The following PRKG1 variants were observed in gnomAD, a reference collection of about 807,000 sequenced individuals.
PRKG1 encodes cGMP-dependent protein kinase 1.
A neutral mutation model predicts 88.1 loss-of-function variants in PRKG1; 35 were observed. The ratio of observed to expected loss-of-function variants is 0.40; its 90% CI spans 0.30 to 0.53. The LOEUF (loss-of-function observed/expected upper bound fraction) is 0.53, where lower values mean the gene tolerates loss of function less well. Ranked by LOEUF, PRKG1 falls within the 20% of genes least tolerant of loss-of-function variation. PRKG1 has a pLI of 0.59. For synonymous variants in PRKG1, 303 were observed against 292.5 expected (o/e 1.04, Z -0.37); for missense variants, 540 against 839.8 (o/e 0.64, Z 4.41).
chr10:50,997,683 A>C (rs1272494480), intron 1 of PRKG1, among the ~76,000 whole-genome samples: 2 of 152,136 alleles, frequency 1.3e-5, no homozygotes, highest in Admixed American at 1.3e-4. Flanking sequence ...AGTTACTGTG[A>C]GCTCTGAGAT....
chr10:51,553,848 GATAC>G (rs1339840865), intron 3 of PRKG1, among the ~76,000 whole-genome samples: 12 of 99,682 alleles, frequency 1.2e-4, no homozygotes, highest in African/African-American at 4.1e-4. Context: ...GTATGTATTA[GATAC>G]GTGTATATAA....
At position 51,692,540 on chromosome 10, in the gene PRKG1, G is replaced by A. The variant is rs182286349; in HGVS notation, c.593-112045G>A. Among the ~76,000 whole-genome samples, 51 of 152,186 alleles carry A rather than the reference G, an allele frequency of 3.4e-4. No individual in the cohort carries two copies. The East Asian group carries it at 6.2e-3, about 18-fold the overall frequency. ...TTACAGGCATGAGCCACCACGCCCC[G>A]CCCAACTATACCATTTTCCAATGTT... On this transcript the variant is annotated intron_variant, in intron 3 of 17. Transcript: ENST00000373980.
In PRKG1 at chr10:51,348,777, A is replaced by T. The variant is rs1195913969; in HGVS notation, c.479-118946A>T. Among the ~76,000 whole-genome samples, 5 of 152,184 alleles carry T rather than the reference A, an allele frequency of 3.3e-5. No individual in the cohort carries two copies. In the South Asian group the frequency reaches 8.3e-4, roughly 25 times the overall value. On this transcript the variant is annotated intron_variant, in intron 2 of 17. Coordinates refer to ENST00000373980, the MANE Select transcript of PRKG1 (RefSeq NM_006258.4). ...TTATTCTGACATATCCCATCAATAT[A>T]AAAAAACTGAGTGAAGTGTACTGCA...
chr10:51,619,224 GAAGGTTTCAAGGAA>G (rs1839145242), intron 3 of PRKG1, among the ~76,000 whole-genome samples: 2 of 152,168 alleles, frequency 1.3e-5, no homozygotes, highest in African/African-American at 4.8e-5. Context: ...TTGGGTAATT[GAAGGTTTCAAGGAA>G]AAGGGGTAGC....
At chr10:51,447,900 T>C (rs578019879) in intron 2 of PRKG1, among the ~76,000 whole-genome samples, 1 of 152,178 alleles carries the variant, frequency 6.6e-6, no homozygotes, top group East Asian at 1.9e-4. Context: ...ACCATAAAAC[T>C]CAAAATTACA....
rs748296326 is a variant in PRKG1, at chr10:51,074,944, A to T, written c.311+43A>T. ...GCCGGGTCCATGTGGCGCCCTGGCG[A>T]TGGGGAGCTGCGGGTCTCTGTATTG... On this transcript the variant is annotated intron_variant, in intron 1 of 17. Coordinates refer to ENST00000373980, the MANE Select transcript of PRKG1 (RefSeq NM_006258.4). 2.6e-6 allele frequency: 4 copies of T among 1,533,712 alleles called. No homozygotes were observed. In the Admixed American group the frequency reaches 5.8e-5, roughly 22 times the overall value.
chr10:51,114,141 G>A (rs1429836939), intron 1 of PRKG1, among the ~76,000 whole-genome samples: 1 of 152,080 alleles, frequency 6.6e-6, no homozygotes, highest in Admixed American at 6.6e-5. Flanking sequence ...CTTTCAACGT[G>A]AAGATTATAC....
intron 2 of PRKG1, among the ~76,000 whole-genome samples, chr10:51,287,517 C>G (rs371213818): frequency 1.3e-5 from 2 of 151,856 alleles, no homozygotes; most frequent in Admixed American, 6.6e-5. Flanking sequence ...TCACATGGAG[C>G]GTAAATTCTA....
intron 5 of PRKG1, among the ~76,000 whole-genome samples, chr10:51,926,777 C>T (rs1382738453): frequency 1.4e-5 from 2 of 141,318 alleles, no homozygotes; most frequent in African/African-American, 5.4e-5. Flanking sequence ...AACTGAATAA[C>T]ATCTCCTGAG....
intron 2 of PRKG1, among the ~76,000 whole-genome samples, chr10:51,337,384 T>C (rs994918920): frequency 1.3e-5 from 2 of 151,996 alleles, no homozygotes; most frequent in African/African-American, 4.8e-5. Context: ...CCAAAAGCAA[T>C]TGCAAAAAAA....
intron 7 of PRKG1, among the ~76,000 whole-genome samples, chr10:52,065,061 G>T (rs1450151957): frequency 6.6e-6 from 1 of 152,128 alleles, no homozygotes; most frequent in African/African-American, 2.4e-5. Context: ...TTTAAACTAA[G>T]ACATCAAGAA....
At chr10:51,933,192 T>C (rs1170868860) in intron 5 of PRKG1, among the ~76,000 whole-genome samples, 2 of 152,144 alleles carry the variant, frequency 1.3e-5, no homozygotes, top group Non-Finnish European at 2.9e-5. Flanking sequence ...TAAAGGGGCC[T>C]CCTGTATTCT....
At chr10:51,407,495 C>T (rs903924300) in intron 2 of PRKG1, among the ~76,000 whole-genome samples, 1 of 151,958 alleles carries the variant, frequency 6.6e-6, no homozygotes, top group South Asian at 2.1e-4. Context: ...ATACATGCAC[C>T]GACATGTTTT....
chr10:51,915,159 C>T (rs1419381040), intron 5 of PRKG1, among the ~76,000 whole-genome samples: 1 of 152,180 alleles, frequency 6.6e-6, no homozygotes, highest in Non-Finnish European at 1.5e-5. Flanking sequence ...CCTTTGCATT[C>T]TCTCCAACTG....
Position 51,856,060 on chromosome 10 carries a change from T to A in PRKG1, c.698+51370T>A, listed in dbSNP as rs1331940477. ...CAGCATCCCTTAGCTTCTGGTCACA[T>A]CCCTTCAATCTCTGCTCCCATTGTT... On this transcript the variant is annotated intron_variant, in intron 4 of 17. Transcript: ENST00000373980. Among the ~76,000 whole-genome samples, 3 of 152,126 alleles carry A rather than the reference T, an allele frequency of 2.0e-5. No homozygotes were observed. The East Asian group carries it at 5.8e-4, about 29-fold the overall frequency.
chr10:52,066,084 T>A (rs964903010), intron 7 of PRKG1, among the ~76,000 whole-genome samples: 1 of 152,212 alleles, frequency 6.6e-6, no homozygotes, highest in African/African-American at 2.4e-5. Flanking sequence ...CTGGTTTTAT[T>A]AGTCTACTCT....
rs377728579 is a variant in PRKG1, at chr10:51,558,730, A to G, written c.592+90894A>G. Among the ~76,000 whole-genome samples the G allele has an allele frequency of 5.9e-5, 9 of 152,274 alleles. No individual in the cohort carries two copies. In the East Asian group the frequency reaches 1.7e-3, roughly 29 times the overall value. ...TCCTATTCGAAGAGACAACAGCTGA[A>G]ATGAAAAAGATTTGACAAAGAAAGC... On this transcript the variant is annotated intron_variant, in intron 3 of 17. Transcript: ENST00000373980.
At chr10:52,165,171 G>C (rs748521802) in intron 9 of PRKG1, among the ~76,000 whole-genome samples, 11 of 152,062 alleles carry the variant, frequency 7.2e-5, no homozygotes, top group Non-Finnish European at 1.3e-4. Flanking sequence ...AGGAGTTATC[G>C]TTGTGTCTTA....
intron 2 of PRKG1, among the ~76,000 whole-genome samples, chr10:51,290,759 C>G (rs538580170): frequency 1.3e-5 from 2 of 152,236 alleles, no homozygotes; most frequent in Non-Finnish European, 2.9e-5. Context: ...ATCTACCTAC[C>G]ACCTGTGGAC....
Sources: gnomAD v4.1 joint callset for allele counts (sites outside exome capture counted in the v4.1 genomes callset) on GRCh38, gnomAD v4.1.1 for gene constraint, MANE v1.5 for transcripts, NCBI Gene and HGNC (gene_info 2026-07-23, HGNC 2026-07-21) for gene names.